SIK3: variants seen among roughly 807,000 people sequenced by gnomAD.
SIK3 encodes the protein serine/threonine-protein kinase SIK3.
In SIK3, 28 loss-of-function variants were observed where a neutral mutation model predicts 144.2. The observed-to-expected ratio is 0.19, with a 90% CI of 0.14 to 0.27. The LOEUF is 0.27. Ranked by LOEUF, SIK3 falls within the 10% of genes least tolerant of loss-of-function variation. SIK3 has a pLI of 1.00. For missense variants in SIK3, 1,319 were observed against 1,776.0 expected, an observed-to-expected ratio of 0.74 and a Z score of 4.62; for synonymous variants, 686 against 676.3, an observed-to-expected ratio of 1.01 and a Z score of -0.22.
chr11:116,895,367 A>G (rs1565420965), intron 6 of SIK3, among the ~76,000 whole-genome samples: 1 of 152,066 alleles, frequency 6.6e-6, no homozygotes, highest in Non-Finnish European at 1.5e-5. Flanking sequence ...CTTACCAACC[A>G]CTATCCTAAC....
intron 1 of SIK3, among the ~76,000 whole-genome samples, chr11:117,048,742 C>A (rs935713363): frequency 6.6e-6 from 1 of 151,958 alleles, no homozygotes. Flanking sequence ...GGTACATATC[C>A]AAGAAAAAAA....
At chr11:117,069,803 C>T (rs1027454332) in intron 1 of SIK3, among the ~76,000 whole-genome samples, 2 of 152,166 alleles carry the variant, frequency 1.3e-5, no homozygotes, top group African/African-American at 4.8e-5. Context: ...CACAGCCTCC[C>T]TCCTTCACAT....
intron 4 of SIK3, among the ~76,000 whole-genome samples, chr11:116,912,799 G>C (rs1946416446): frequency 6.6e-6 from 1 of 152,154 alleles, no homozygotes; most frequent in Non-Finnish European, 1.5e-5. Flanking sequence ...GAGACCCAAA[G>C]ATGAAGACAG....
chr11:116,889,722 C>T (rs1945004034), intron 6 of SIK3, among the ~76,000 whole-genome samples: 1 of 152,052 alleles, frequency 6.6e-6, no homozygotes, highest in Non-Finnish European at 1.5e-5. Flanking sequence ...ATAATAAGAT[C>T]CCATCTCTAC....
chr11:116,888,261 G>T (rs1944931764), intron 6 of SIK3, among the ~76,000 whole-genome samples: 1 of 152,204 alleles, frequency 6.6e-6, no homozygotes, highest in African/African-American at 2.4e-5. Context: ...GCTGAGAAAA[G>T]GAAGGATCTT....
chr11:116,876,024 G>A lies in SIK3; in HGVS notation c.1096-15C>T. 1 of 1,613,130 alleles carries A rather than the reference G, an allele frequency of 6.2e-7. No individual in the cohort carries two copies. The highest frequency in any genetic ancestry group is 8.5e-7 in the Non-Finnish European group (1 of 1,179,822). On this transcript the variant is annotated splice_polypyrimidine_tract_variant and intron_variant, in intron 8 of 24. Transcript: ENST00000445177. ...GATCTTAATGACTACCAAGAGAGAA[G>A]GGAAAAGAGTACAAAACCCTGGTGA... is the stretch of plus-strand genomic sequence containing the variant.
chr11:117,003,614 G>A (rs866963507), intron 1 of SIK3, among the ~76,000 whole-genome samples: 2 of 152,110 alleles, frequency 1.3e-5, no homozygotes, highest in East Asian at 3.9e-4. Flanking sequence ...AACAAAGCGA[G>A]ACCCCAACTC....
At chr11:117,089,565 T>A (rs1385985944) in intron 1 of SIK3, among the ~76,000 whole-genome samples, 3 of 152,194 alleles carry the variant, frequency 2.0e-5, no homozygotes, top group African/African-American at 7.2e-5. Context: ...GATGGATGGA[T>A]GGAATAAAAA....
intron 1 of SIK3, among the ~76,000 whole-genome samples, chr11:117,090,387 A>G (rs1955190834): frequency 7.5e-6 from 1 of 134,038 alleles, no homozygotes; most frequent in African/African-American, 2.7e-5. Context: ...TAGGATAATG[A>G]AAAAAAAAAA....
intron 1 of SIK3, among the ~76,000 whole-genome samples, chr11:116,978,234 C>T (rs892851565): frequency 5.3e-5 from 8 of 152,014 alleles, no homozygotes; most frequent in Non-Finnish European, 1.2e-4. Context: ...AATTACTATC[C>T]GCATTACCAA....
At chr11:117,080,296 C>G (rs1218918313) in intron 1 of SIK3, among the ~76,000 whole-genome samples, 1 of 150,514 alleles carries the variant, frequency 6.6e-6, no homozygotes, top group African/African-American at 2.5e-5. Flanking sequence ...AGTGAATTGG[C>G]ATGGCCTTAC....
intron 1 of SIK3, among the ~76,000 whole-genome samples, chr11:117,040,727 C>A (rs1340741206): frequency 6.6e-6 from 1 of 152,038 alleles, no homozygotes; most frequent in Non-Finnish European, 1.5e-5. Flanking sequence ...GATGAATAAA[C>A]CTGGGAATGT....
At chr11:116,938,741 T>G (rs1948128970) in intron 3 of SIK3, among the ~76,000 whole-genome samples, 1 of 151,926 alleles carries the variant, frequency 6.6e-6, no homozygotes, top group South Asian at 2.1e-4. Context: ...ATAGGACATC[T>G]TGCCTAAAAG....
At chr11:117,044,488 TA>T (rs11351498) in intron 1 of SIK3, among the ~76,000 whole-genome samples, 56,531 of 151,776 alleles carry the variant, frequency 0.37, 12,837 homozygotes, top group African/African-American at 0.65. Flanking sequence ...ACTGCTGACT[TA>T]AGAGATTTAA....
intron 3 of SIK3, among the ~76,000 whole-genome samples, chr11:116,930,723 C>A (rs1012743965): frequency 6.6e-6 from 1 of 152,116 alleles, no homozygotes; most frequent in Non-Finnish European, 1.5e-5. Flanking sequence ...TATCCTCATC[C>A]CAATCATCCA....
At chr11:117,045,435 A>G (rs896236422) in intron 1 of SIK3, among the ~76,000 whole-genome samples, 2 of 152,208 alleles carry the variant, frequency 1.3e-5, no homozygotes, top group South Asian at 2.1e-4. Flanking sequence ...AGCCCCGCCC[A>G]TAAGAGTGAA....
chr11:117,096,019 C>G (rs146941263), intron 1 of SIK3, among the ~76,000 whole-genome samples: 1 of 152,250 alleles, frequency 6.6e-6, no homozygotes, highest in African/African-American at 2.4e-5. Flanking sequence ...ATGCTGCAGT[C>G]CTAAAGGATA....
intron 1 of SIK3, among the ~76,000 whole-genome samples, chr11:116,978,835 T>C (rs1041469310): frequency 3.9e-5 from 6 of 152,150 alleles, no homozygotes; most frequent in African/African-American, 1.4e-4. Flanking sequence ...ACTGCCTTTT[T>C]TGATCCCCAC....
chr11:117,028,821 A>C (rs940440836), intron 1 of SIK3, among the ~76,000 whole-genome samples: 3 of 152,192 alleles, frequency 2.0e-5, no homozygotes, highest in Non-Finnish European at 4.4e-5. Flanking sequence ...GCTTTATTTT[A>C]CAGGAGACAG....
Sources: allele counts gnomAD v4.1 joint callset (sites outside exome capture counted in the v4.1 genomes callset), GRCh38; gene constraint gnomAD v4.1.1; transcripts MANE v1.5; gene names NCBI Gene and HGNC (gene_info 2026-07-23, HGNC 2026-07-21).